The following SLC4A10 variants were observed in gnomAD, a reference collection of about 807,000 sequenced individuals.
SLC4A10 encodes the protein solute carrier family 4 member 10.
A neutral mutation model predicts 137.7 loss-of-function variants in SLC4A10; 42 were observed. That is an observed-to-expected ratio of 0.30 (90% confidence interval 0.24 to 0.39). The LOEUF is 0.39. Ranked by LOEUF, SLC4A10 falls within the 10% of genes least tolerant of loss-of-function variation. The pLI, the probability that SLC4A10 is intolerant of heterozygous loss-of-function variation, is 1.00. For synonymous variants in SLC4A10, 474 were observed against 464.1 expected, an observed-to-expected ratio of 1.02 and a Z score of -0.27; for missense variants, 925 against 1,355.0, an observed-to-expected ratio of 0.68 and a Z score of 4.98.
intron 7 of SLC4A10, among the ~76,000 whole-genome samples, chr2:161,873,192 C>A (rs960330801): frequency 1.3e-5 from 2 of 152,086 alleles, no homozygotes; most frequent in Admixed American, 6.5e-5. Context: ...TAAATAAAAA[C>A]ATATTAAGAA....
intron 1 of SLC4A10, among the ~76,000 whole-genome samples, chr2:161,684,276 A>G (rs2041164497): frequency 6.6e-6 from 1 of 152,150 alleles, no homozygotes; most frequent in Non-Finnish European, 1.5e-5. Flanking sequence ...CATTTTGTTT[A>G]TTCATTCATC....
chr2:161,858,474 C>T (rs2125870673), intron 5 of SLC4A10, among the ~76,000 whole-genome samples: 1 of 152,120 alleles, frequency 6.6e-6, no homozygotes, highest in Non-Finnish European at 1.5e-5. Flanking sequence ...TATCTGTTTC[C>T]CAATGTTTCA....
In SLC4A10 at chr2:161,722,772, AAAGACT is replaced by A. The variant is rs2045823628; in HGVS notation, c.49-48197_49-48192del. On this transcript the variant is annotated intron_variant, in intron 1 of 26. Transcript: ENST00000446997. ...GCACTCTTCAGAGCCAGCAGACAGG[AAAGACT>A]AAGTCCACTGAACCCACAAGACTGC... Among the ~76,000 whole-genome samples, 2 of 152,164 alleles carry A rather than the reference AAAGACT, an allele frequency of 1.3e-5. 1 individual carries two copies. The highest frequency in any genetic ancestry group is 4.1e-4 in the South Asian group (2 of 4,822).
rs1225053961 is a variant in SLC4A10, at chr2:161,975,084, A to G, written c.3227+768A>G. Reference sequence around the variant, plus strand: ...ATTTGTCATAGTGTTAAAAACCAAAATAGGAGAGAATTTTCTAGATCTTTA... The same window carrying G: ...ATTTGTCATAGTGTTAAAAACCAAAGTAGGAGAGAATTTTCTAGATCTTTA... On this transcript the variant is annotated intron_variant, in intron 24 of 26. Coordinates refer to ENST00000446997, the MANE Select transcript of SLC4A10 (RefSeq NM_001178015.2). Among the ~76,000 whole-genome samples, 7 of 152,192 alleles carry G rather than the reference A, an allele frequency of 4.6e-5. 1 individual carries two copies. The East Asian group carries it at 1.3e-3, about 29-fold the overall frequency.
intron 6 of SLC4A10, among the ~76,000 whole-genome samples, chr2:161,870,578 G>A (rs970448087): frequency 6.6e-6 from 1 of 151,824 alleles, no homozygotes; most frequent in African/African-American, 2.4e-5. Flanking sequence ...AAAATATGGA[G>A]AAATGATGTG....
chr2:161,631,643 G>A (rs2033580039), intron 1 of SLC4A10, among the ~76,000 whole-genome samples: 1 of 151,746 alleles, frequency 6.6e-6, no homozygotes, highest in South Asian at 2.1e-4. Flanking sequence ...GAGTCACACT[G>A]TATTTAGATA....
At chr2:161,872,557 CAAAAA>C (rs5835886) in intron 7 of SLC4A10, among the ~76,000 whole-genome samples, 173 bp downstream of exon 7, 1 of 128,942 alleles carries the variant, frequency 7.8e-6, no homozygotes, top group Non-Finnish European at 1.7e-5. Flanking sequence ...TTTGCCTATT[CAAAAA>C]AAAAAAAAAA....
At chr2:161,680,316 G>A in intron 1 of SLC4A10, among the ~76,000 whole-genome samples, 1 of 152,186 alleles carries the variant, frequency 6.6e-6, no homozygotes. Flanking sequence ...CCACCTGCCA[G>A]TATATGTATA....
chr2:161,858,190 G>A (rs2060210513), intron 5 of SLC4A10, among the ~76,000 whole-genome samples: 1 of 152,008 alleles, frequency 6.6e-6, no homozygotes, highest in Non-Finnish European at 1.5e-5. Flanking sequence ...ACCTTTAAGG[G>A]TTCTAATCCC....
intron 1 of SLC4A10, among the ~76,000 whole-genome samples, chr2:161,732,501 T>C (rs2046920765): frequency 6.6e-6 from 1 of 152,232 alleles, no homozygotes; most frequent in Admixed American, 6.5e-5. Flanking sequence ...ACTTAAAAGA[T>C]ACTGACACAT....
intron 3 of SLC4A10, among the ~76,000 whole-genome samples, chr2:161,828,487 A>G (rs1038392051): frequency 6.7e-6 from 1 of 149,864 alleles, no homozygotes; most frequent in Non-Finnish European, 1.5e-5. Context: ...AAAATGTTAT[A>G]TATCTCTATA....
rs1683967043 is a variant in SLC4A10 at position 161,904,820 on chromosome 2, C to T, written c.1662C>T (p.Ala554=). ...TTGGAGCATCCATGACCGGGATAGC[C>T]TATTCTCTCTTTGGTGGACAGCCTC... is the stretch of plus-strand genomic sequence containing the variant. ...SLFGASMTGI[A]YSLFGGQPLT... is the part of the protein sequence containing the mutation. Residue 554 remains alanine (A), a synonymous_variant, in exon 14 of 27, where the codon GCC becomes GCT. Coordinates refer to ENST00000446997, the MANE Select transcript of SLC4A10 (RefSeq NM_001178015.2). The T allele has an allele frequency of 6.2e-7, 1 of 1,613,980 alleles. No individual in the cohort carries two copies. Among genetic ancestry groups the T allele is most frequent in the Non-Finnish European group, 8.5e-7 (1 of 1,179,878 alleles).
intron 15 of SLC4A10, among the ~76,000 whole-genome samples, chr2:161,929,074 A>G (rs772814325): frequency 9.9e-5 from 15 of 152,192 alleles, no homozygotes; most frequent in Non-Finnish European, 2.1e-4. Flanking sequence ...AAACTATAGT[A>G]CTGGCCCTTT....
Position 161,949,369 on chromosome 2 carries a change from G to T in SLC4A10, c.2379+108G>T, listed in dbSNP as rs916589269. The T allele has an allele frequency of 7.4e-6, 5 of 673,016 alleles. No homozygotes were observed. In the African/African-American group the frequency reaches 9.5e-5, roughly 13 times the overall value. 41.7% of individuals were successfully genotyped at this position (673,016 alleles called of 1,614,324 possible). A position where few individuals can be genotyped will look rare whatever the true frequency, so the allele number is the denominator to read the frequency against. On this transcript the variant is annotated intron_variant, in intron 18 of 26. Coordinates refer to ENST00000446997, the MANE Select transcript of SLC4A10 (RefSeq NM_001178015.2). ...TTTTCATGAAAATATGAAGAATTTA[G>T]ATTAGAAGACCAGTAAATGAAATGC...
intron 4 of SLC4A10, among the ~76,000 whole-genome samples, chr2:161,850,722 T>C (rs2059780687): frequency 6.6e-6 from 1 of 152,166 alleles, no homozygotes; most frequent in Admixed American, 6.5e-5. Context: ...TGTTCAGCTA[T>C]ATTTTGGTTA....
chr2:161,863,267 G>C (rs954289835), intron 6 of SLC4A10, among the ~76,000 whole-genome samples: 1 of 152,008 alleles, frequency 6.6e-6, no homozygotes, highest in South Asian at 2.1e-4. Flanking sequence ...TTTCCTGAAA[G>C]GTTCAGGAAA....
chr2:161,908,479 T>G lies in SLC4A10; in HGVS notation c.1997+2592T>G, dbSNP rs1316857725. Among the ~76,000 whole-genome samples the G allele has an allele frequency of 3.3e-5, 5 of 149,472 alleles. 1 individual carries two copies. Among genetic ancestry groups the G allele is most frequent in the African/African-American group, 1.2e-4 (5 of 40,636 alleles). On this transcript the variant is annotated intron_variant, in intron 15 of 26. Transcript: ENST00000446997. The stretch of plus-strand genomic sequence containing the variant: ...GAGGGATAGCATTAGGAGATATACC[T>G]AATGCTAAATGACGAGTTGATGGGT...
chr2:161,853,664 T>A (rs745888986), intron 4 of SLC4A10, among the ~76,000 whole-genome samples: 1 of 152,194 alleles, frequency 6.6e-6, no homozygotes, highest in African/African-American at 2.4e-5. Context: ...TAGACAAAAA[T>A]GTTCTATAAA....
At chr2:161,888,385 G>A (rs1027574848) in intron 10 of SLC4A10, among the ~76,000 whole-genome samples, 7 of 152,170 alleles carry the variant, frequency 4.6e-5, no homozygotes, top group African/African-American at 1.7e-4. Context: ...ACTTTGGGCA[G>A]TATGGCCATT....
Sources: gnomAD v4.1 joint callset for allele counts (sites outside exome capture counted in the v4.1 genomes callset) on GRCh38, gnomAD v4.1.1 for gene constraint, MANE v1.5 for transcripts, NCBI Gene and HGNC (gene_info 2026-07-23, HGNC 2026-07-21) for gene names.